DLG3: variants seen among roughly 807,000 people sequenced by gnomAD.
DLG3 encodes disks large homolog 3.
DLG3 carries 1 observed loss-of-function variant against 64.1 expected under a neutral mutation model. The observed-to-expected ratio is 0.02, with a 90% CI of 0.01 to 0.07. The LOEUF (loss-of-function observed/expected upper bound fraction) is 0.07. Ranked by LOEUF, DLG3 falls within the 10% of genes least tolerant of loss-of-function variation. The pLI is 1.00. For missense variants in DLG3, 429 were observed against 669.5 expected (o/e 0.64, Z 3.96); for synonymous variants, 245 against 259.8 (o/e 0.94, Z 0.55).
intron 10 of DLG3, among the ~76,000 whole-genome samples, chrX:70,487,870 C>T (rs1024117857): frequency 1.8e-5 from 2 of 109,960 alleles, no homozygotes; most frequent in Non-Finnish European, 3.8e-5. Flanking sequence ...AGGCTGGTCT[C>T]GAACTCCCAA....
At chrX:70,490,773 A>G (rs1487870518) in intron 10 of DLG3, among the ~76,000 whole-genome samples, 2 of 112,334 alleles carry the variant, frequency 1.8e-5, no homozygotes, top group Non-Finnish European at 3.8e-5. Flanking sequence ...AAAGGTGTGA[A>G]AACACCTTAT....
chrX:70,493,538 C>T, intron 12 of DLG3: 1 of 1,027,623 alleles, frequency 9.7e-7, no homozygotes, highest in Non-Finnish European at 1.4e-6. Context: ...TCCTCAGTTG[C>T]CCTTCCCTCG....
At chrX:70,487,729 G>A (rs1217829587) in intron 10 of DLG3, among the ~76,000 whole-genome samples, 3 of 112,153 alleles carry the variant, frequency 2.7e-5, no homozygotes, top group Non-Finnish European at 5.6e-5. Context: ...TCGGTTTACC[G>A]CAACCTCTGC....
At chrX:70,468,340 G>A (rs775111977) in intron 9 of DLG3, among the ~76,000 whole-genome samples, 40 of 111,923 alleles carry the variant, frequency 3.6e-4, no homozygotes, top group Non-Finnish European at 6.8e-4. Context: ...AAAGTGCTGG[G>A]ATTACAGGAG....
rs1006639789 is a variant in DLG3 at position 70,445,018 on chromosome X, G to T, written c.-184G>T. 1.4e-5 allele frequency: 4 copies of T among 276,903 alleles called. No homozygotes were observed. Among genetic ancestry groups the T allele is most frequent in the Non-Finnish European group, 2.5e-5 (4 of 160,762 alleles). The allele number at this position is 276,903 out of a possible 1,213,427, so 22.8% of individuals were successfully genotyped here. ...GGGGCAGCGTGGGGGCCGAGGCCCC[G>T]GGACGCCCGCCCGGCCCCAGGCCCC... On this transcript the variant is annotated 5_prime_UTR_variant, in exon 1 of 19. Coordinates refer to ENST00000374360, the MANE Select transcript of DLG3 (RefSeq NM_021120.4).
intron 9 of DLG3, among the ~76,000 whole-genome samples, chrX:70,473,616 C>T (rs987264200): frequency 8.2e-5 from 9 of 110,374 alleles, no homozygotes; most frequent in African/African-American, 3.0e-4. Flanking sequence ...TTTTTAGAGA[C>T]AGCATCTCAC....
chrX:70,501,409 C>CTGTGTGTGTGTGTG (rs796396273), intron 18 of DLG3, among the ~76,000 whole-genome samples: 10,258 of 74,523 alleles, frequency 0.14, 583 homozygotes, highest in Middle Eastern at 0.16. Context: ...GTCTGTCTGT[C>CTGTGTGTGTGTGTG]TGTCTGTGTG....
At chrX:70,458,172 A>C in intron 9 of DLG3, among the ~76,000 whole-genome samples, 1 of 109,710 alleles carries the variant, frequency 9.1e-6, no homozygotes, top group East Asian at 2.9e-4. Flanking sequence ...CACCATGCCC[A>C]GCCTAATTTT....
chrX:70,503,174 C>T lies in DLG3; in HGVS notation c.*905C>T, dbSNP rs745427106. 8.9e-6 allele frequency: 1 copy of T among 112,109 alleles called. No homozygotes were observed. Among genetic ancestry groups the T allele is most frequent in the Non-Finnish European group, 1.9e-5 (1 of 53,161 alleles). 9.2% of individuals were successfully genotyped at this position (112,109 alleles called of 1,213,427 possible). On this transcript the variant is annotated 3_prime_UTR_variant, in exon 19 of 19. Coordinates refer to ENST00000374360, the MANE Select transcript of DLG3 (RefSeq NM_021120.4). ...AGAGAGAATGGCTAATGATGCTCCG[C>T]GTGGAATTGCCTATTGTTTTATGCC...
intron 9 of DLG3, among the ~76,000 whole-genome samples, chrX:70,468,053 AT>A (rs1474724772): frequency 9.1e-6 from 1 of 110,094 alleles, no homozygotes; most frequent in African/African-American, 3.3e-5. Flanking sequence ...GACCAGGTAG[AT>A]TTTTTTTTGT....
intron 11 of DLG3, 96 bp from the exon 12 acceptor site, chrX:70,492,425 C>T: frequency 2.7e-6 from 3 of 1,113,500 alleles, no homozygotes; most frequent in Non-Finnish European, 3.7e-6. Flanking sequence ...ATGGTTTTTA[C>T]TCAGTGAGCC....
At chrX:70,450,030 C>A in intron 4 of DLG3, 139 bp from the exon 5 acceptor site, 1 of 989,507 alleles carries the variant, frequency 1.0e-6, no homozygotes, top group Non-Finnish European at 1.4e-6. Context: ...CTCAGGATGG[C>A]AGCTTAGCGT....
rs762278792 is a variant in DLG3 at position 70,503,587 on chromosome X, G to C, written c.*1318G>C. The C allele has an allele frequency of 9.0e-6, 1 of 110,648 alleles. No homozygotes were observed. Among genetic ancestry groups the C allele is most frequent in the Non-Finnish European group, 1.9e-5 (1 of 52,731 alleles). The allele number at this position is 110,648 out of a possible 1,213,427, so 9.1% of individuals were successfully genotyped here. ...GCTTGCTTGGCCAGCTGCGTCATGA[G>C]TTTGATTTGGTTTTTTTTTTTTTGC... On this transcript the variant is annotated 3_prime_UTR_variant, in exon 19 of 19. Transcript: ENST00000374360.
At chrX:70,493,524 C>T (rs1339741415) in intron 12 of DLG3, 3 of 1,085,644 alleles carry the variant, frequency 2.8e-6, no homozygotes, top group African/African-American at 3.6e-5. Context: ...GCCCCATCCT[C>T]TCATCCTCAG....
chrX:70,497,210 A>G lies in DLG3; in HGVS notation c.1820-1310A>G, dbSNP rs753833284. The G allele has an allele frequency of 5.8e-6, 7 of 1,209,864 alleles. No homozygotes were observed. The East Asian group carries it at 1.8e-4, about 31-fold the overall frequency. ...GTGACATCCAACACCAGTGACAGCG[A>G]AAGCAGTTCCAGTAAGTGTGTGTCA... On this transcript the variant is annotated intron_variant, in intron 13 of 18. Coordinates refer to ENST00000374360, the MANE Select transcript of DLG3 (RefSeq NM_021120.4).
At chrX:70,450,451 C>A in intron 5 of DLG3, 146 bp downstream of exon 5, 1 of 940,504 alleles carries the variant, frequency 1.1e-6, no homozygotes, top group Admixed American at 2.8e-5. Context: ...TGCCCAGATA[C>A]AAAGGCCCTA....
intron 10 of DLG3, among the ~76,000 whole-genome samples, chrX:70,481,377 G>A (rs989343828): frequency 8.9e-6 from 1 of 112,343 alleles, no homozygotes; most frequent in Non-Finnish European, 1.9e-5. Context: ...AGCTCCTCAA[G>A]ATATTACTAA....
intron 18 of DLG3, among the ~76,000 whole-genome samples, chrX:70,501,342 A>T (rs1221810072): frequency 9.1e-6 from 1 of 109,337 alleles, no homozygotes; most frequent in Non-Finnish European, 1.9e-5. Context: ...GGTGCTGAAT[A>T]AACGTTTGTT....
At chrX:70,497,941 C>T (rs896942061) in intron 13 of DLG3, among the ~76,000 whole-genome samples, 4 of 111,804 alleles carry the variant, frequency 3.6e-5, no homozygotes, top group Non-Finnish European at 5.6e-5. Context: ...TTGCTAGGCT[C>T]GACATGGGGC....
Sources: gnomAD v4.1 joint callset for allele counts (sites outside exome capture counted in the v4.1 genomes callset) on GRCh38, gnomAD v4.1.1 for gene constraint, MANE v1.5 for transcripts, NCBI Gene and HGNC (gene_info 2026-07-23, HGNC 2026-07-21) for gene names.